The following PRSS27 variants were observed in gnomAD, a reference collection of about 807,000 sequenced individuals.
PRSS27 encodes channel-activating protease 2.
Under a neutral mutation model 32.0 loss-of-function variants are expected in PRSS27, and 25 were observed. That is an observed-to-expected ratio of 0.78 (90% CI 0.57 to 1.09). The LOEUF is 1.09. Among genes scored for constraint, PRSS27 ranks in the 50% least tolerant of loss-of-function variants. The pLI, the probability that PRSS27 is intolerant of heterozygous loss-of-function variation, is 0.00. For missense variants in PRSS27, 401 were observed against 394.9 expected, an observed-to-expected ratio of 1.02 and a Z score of -0.13; for synonymous variants, 178 against 172.2, an observed-to-expected ratio of 1.03 and a Z score of -0.26.
rs975259162 is a variant in PRSS27 at position 2,715,726 on chromosome 16, G to C, written c.228C>G (p.Cys76Trp). 6.5e-7 allele frequency: 1 copy of C among 1,543,872 alleles called. No homozygotes were observed. Among genetic ancestry groups the C allele is most frequent in the Admixed American group, 1.9e-5 (1 of 51,670 alleles). The change falls in exon 3 of 6, where the codon TGC (cysteine) becomes TGG (tryptophan). Residue 76 changes from cysteine (C) to tryptophan (W), a missense_variant. Physicochemically the swap from Cys to Trp is radical, Grantham distance 215. Transcript: ENST00000302641. Reference protein sequence around the residue: ...AEQWVLTAAHCFRNTSETSLY... With the variant: ...AEQWVLTAAHWFRNTSETSLY... ...GGGGCGGGCGGACTCACTTGCGGAA[G>C]CAGTGCGCAGCCGTCAGGACCCACT...
chr16:2,713,242 G>A (rs1315201539), intron 5 of PRSS27: 2 of 465,214 alleles, frequency 4.3e-6, no homozygotes, highest in Non-Finnish European at 8.0e-6. Flanking sequence ...GGGACTACAG[G>A]CGCCCACCAC....
rs2067671179 is a variant in PRSS27, at chr16:2,712,788, G to A, written c.705C>T (p.Cys235=). The change falls in exon 6 of 6, where the codon TGC becomes TGT. Residue 235 remains cysteine (C), a synonymous_variant. Coordinates refer to ENST00000302641, the MANE Select transcript of PRSS27 (RefSeq NM_031948.5). This position sits in a 1 kb window ranked among gnomAD's most constrained non-coding sequence, Gnocchi z 4.6. Reference sequence around the variant, plus strand: ...CCTGCAGCCACGACTGACCCACGAGGCACACCAGGGGGCCGCCCGAGTCGC... The same window carrying A: ...CCTGCAGCCACGACTGACCCACGAGACACACCAGGGGGCCGCCCGAGTCGC... ...CKGDSGGPLV[C]LVGQSWLQAG... is the part of the protein sequence containing the mutation. The A allele has an allele frequency of 2.5e-6, 4 of 1,582,168 alleles. No homozygotes were observed. Among genetic ancestry groups the A allele is most frequent in the Non-Finnish European group, 2.6e-6 (3 of 1,161,774 alleles).
Position 2,714,523 on chromosome 16 carries a change from C to T in PRSS27, c.237-187G>A, listed in dbSNP as rs2067689142. 5 of 659,454 alleles carry T rather than the reference C, an allele frequency of 7.6e-6. No individual in the cohort carries two copies. The highest frequency in any genetic ancestry group is 2.7e-5 in the East Asian group (1 of 36,500). 40.9% of individuals were successfully genotyped at this position (659,454 alleles called of 1,614,324 possible). On this transcript the variant is annotated intron_variant, in intron 3 of 5. Transcript: ENST00000302641. The surrounding 1 kb of genome is among the most constrained non-coding windows in gnomAD (Gnocchi z 4.7). ...TTGACATTGAAGCCAGACCGCCCGA[C>T]TCAGATTTCCACCTCCACCCCTGGC...
At chr16:2,713,736 T>C in intron 4 of PRSS27, 38 bp from the exon 5 acceptor site, 1 of 1,606,060 alleles carries the variant, frequency 6.2e-7, no homozygotes, top group Middle Eastern at 1.7e-4. Context: ...TCAACGGACT[T>C]CCTCATCAAG....
Position 2,714,030 on chromosome 16 carries a change from A to C in PRSS27, c.508+35T>G, listed in dbSNP as rs1567199548. 2 of 1,569,830 alleles carry C rather than the reference A, an allele frequency of 1.3e-6. No homozygotes were observed. The highest frequency in any genetic ancestry group is 1.7e-6 in the Non-Finnish European group (2 of 1,156,504). On this transcript the variant is annotated intron_variant, in intron 4 of 5. Coordinates refer to ENST00000302641, the MANE Select transcript of PRSS27 (RefSeq NM_031948.5). This position sits in a 1 kb window ranked among gnomAD's most constrained non-coding sequence, Gnocchi z 4.7. ...AAGCCGTCCTGGGCCTTCTTGAGGC[A>C]TATCCCCCATTCTTTCCCAGCCCTG...
chr16:2,713,972 C>T, intron 4 of PRSS27, 93 bp downstream of exon 4: 1 of 1,345,392 alleles, frequency 7.4e-7, no homozygotes, highest in Non-Finnish European at 1.0e-6. Flanking sequence ...ATTAATATAG[C>T]AACAGGAAGA....
In PRSS27 at chr16:2,714,674, A is replaced by G; in HGVS notation, c.237-338T>C. The stretch of plus-strand genomic sequence containing the variant: ...TCGGAGAGAACCACCCTCCAGGTGC[A>G]GCAGGGCCAGCCCCACCTGCGGGCC... On this transcript the variant is annotated intron_variant, in intron 3 of 5. Coordinates refer to ENST00000302641, the MANE Select transcript of PRSS27 (RefSeq NM_031948.5). This position sits in a 1 kb window ranked among gnomAD's most constrained non-coding sequence, Gnocchi z 4.7. The G allele has an allele frequency of 3.0e-6, 1 of 331,864 alleles. No individual in the cohort carries two copies. The highest frequency in any genetic ancestry group is 3.0e-5 in the South Asian group (1 of 33,346). 20.6% of individuals were successfully genotyped at this position (331,864 alleles called of 1,614,324 possible).
Position 2,714,214 on chromosome 16 carries a change from G to A in PRSS27, c.359C>T (p.Ala120Val). The change falls in exon 4 of 6, where the codon GCC becomes GTC. Residue 120 changes from alanine (A) to valine (V), a missense_variant. Coordinates refer to ENST00000302641, the MANE Select transcript of PRSS27 (RefSeq NM_031948.5). The surrounding 1 kb of genome is among the most constrained non-coding windows in gnomAD (Gnocchi z 4.7). Reference protein sequence around the residue: ...VESNPLYQGTASSADVALVEL... With the variant: ...VESNPLYQGTVSSADVALVEL... ...CACCAGGGCCACGTCAGCGCTGGAG[G>A]CCGTGCCCTGGTACAGGGGGTTGCT... 6.2e-7 allele frequency: 1 copy of A among 1,613,924 alleles called. No individual in the cohort carries two copies. The highest frequency in any genetic ancestry group is 8.5e-7 in the Non-Finnish European group (1 of 1,179,980).
At chr16:2,716,477 AC>A in intron 2 of PRSS27, 22 bp downstream of exon 2, 2 of 1,599,090 alleles carry the variant, frequency 1.3e-6, no homozygotes, top group South Asian at 1.1e-5. Context: ...TGTCCCTCCC[AC>A]CCCAGGGCCC....
intron 1 of PRSS27, chr16:2,716,870 T>C (rs181082736): frequency 5.7e-6 from 2 of 350,208 alleles, no homozygotes; most frequent in East Asian, 9.6e-5. Flanking sequence ...ACACCCATCC[T>C]TGTCTGGAAG....
rs1458522421 is a variant in PRSS27 at position 2,713,631 on chromosome 16, G to A, written c.576C>T (p.Asn192=). Residue 192 remains asparagine (N), a synonymous_variant, in exon 5 of 6, where the codon AAC becomes AAT. Coordinates refer to ENST00000302641, the MANE Select transcript of PRSS27 (RefSeq NM_031948.5). ...AVPIIDTPKC[N]LLYSKDTEFG... is the part of the protein sequence containing the mutation. Reference sequence around the variant, plus strand: ...ACTCGGTGTCTTTGCTGTAGAGCAGGTTGCACTTGGGTGTGTCGATGATGG... The same window carrying A: ...ACTCGGTGTCTTTGCTGTAGAGCAGATTGCACTTGGGTGTGTCGATGATGG... The A allele has an allele frequency of 6.2e-7, 1 of 1,614,216 alleles. No individual in the cohort carries two copies. Among genetic ancestry groups the A allele is most frequent in the African/African-American group, 1.3e-5 (1 of 75,064 alleles).
chr16:2,718,804 G>A (rs966621830), intron 1 of PRSS27, among the ~76,000 whole-genome samples: 2 of 152,286 alleles, frequency 1.3e-5, no homozygotes, highest in Middle Eastern at 3.4e-3. Flanking sequence ...CAGGAGCTCC[G>A]AGAAGGCAAG....
chr16:2,713,754 G>A (rs2067681516), intron 4 of PRSS27, 56 bp from the exon 5 acceptor site: 34 of 1,577,644 alleles, frequency 2.2e-5, no homozygotes, highest in South Asian at 1.1e-4. Context: ...AAGAACCCAC[G>A]GCCCCGGGAA....
At chr16:2,719,084 G>A (rs1297230391) in intron 1 of PRSS27, among the ~76,000 whole-genome samples, 1 of 152,232 alleles carries the variant, frequency 6.6e-6, no homozygotes, top group African/African-American at 2.4e-5. Flanking sequence ...CGGGCTGGGA[G>A]TGAGGACGTG....
Position 2,712,634 on chromosome 16 carries a change from C to T in PRSS27, c.859G>A (p.Gly287Ser), listed in dbSNP as rs1183262518. ...PKLQFQPARL[G>S]GQK The stretch of plus-strand genomic sequence containing the variant: ...CCCCGGGGGTCTCACTTCTGGCCGC[C>T]CAACCTCGCTGGCTGGAACTGCAGT... The change falls in exon 6 of 6, where the codon GGC (glycine) becomes AGC (serine). Residue 287 changes from glycine to serine, a missense_variant. Coordinates refer to ENST00000302641, the MANE Select transcript of PRSS27 (RefSeq NM_031948.5). This position sits in a 1 kb window ranked among gnomAD's most constrained non-coding sequence, Gnocchi z 4.6. The T allele has an allele frequency of 1.9e-6, 3 of 1,586,778 alleles. No homozygotes were observed. Among genetic ancestry groups the T allele is most frequent in the South Asian group, 1.2e-5 (1 of 86,912 alleles).
rs766274360 is a variant in PRSS27, at chr16:2,713,697, G to T, written c.510C>A (p.Asp170Glu). Reference protein sequence around the residue: ...VTGWGSPSEEDLLPEPRILQK... With the variant: ...VTGWGSPSEEELLPEPRILQK... ...GCAGGATCCGCGGTTCGGGCAGGAG[G>T]TCTGGAGAGGGGCGGAACAGCCCAG... Residue 170 changes from aspartate to glutamate, a missense_variant and splice_region_variant, in exon 5 of 6, where the codon GAC becomes GAA. By Grantham distance (45) the Asp-to-Glu change is conservative (BLOSUM62 2). Transcript: ENST00000302641. 4.3e-6 allele frequency: 7 copies of T among 1,614,158 alleles called. No individual in the cohort carries two copies. Among genetic ancestry groups the T allele is most frequent in the Non-Finnish European group, 5.9e-6 (7 of 1,180,008 alleles).
chr16:2,720,049 C>A, intron 1 of PRSS27, 66 bp downstream of exon 1: 1 of 1,414,180 alleles, frequency 7.1e-7, no homozygotes, highest in Non-Finnish European at 9.8e-7. Flanking sequence ...GAGCCGGAGC[C>A]CCAGGCAGTG....
Position 2,712,479 on chromosome 16 carries a change from A to G in PRSS27, c.*141T>C. On this transcript the variant is annotated 3_prime_UTR_variant, in exon 6 of 6. Transcript: ENST00000302641. The surrounding 1 kb of genome is among the most constrained non-coding windows in gnomAD (Gnocchi z 4.6). ...CATAAATAAAATAAGGGTATTTGAGAGGGGAGGAAGGAGCGCTATTTACAA... is the reference window on the plus strand; with the variant it reads ...CATAAATAAAATAAGGGTATTTGAGGGGGGAGGAAGGAGCGCTATTTACAA... The G allele has an allele frequency of 1.5e-6, 1 of 662,648 alleles. No homozygotes were observed. The allele number at this position is 662,648 out of a possible 1,614,324, so 41.0% of individuals were successfully genotyped here.
At chr16:2,719,963 C>G in intron 1 of PRSS27, 152 bp downstream of exon 1, 1 of 727,266 alleles carries the variant, frequency 1.4e-6, no homozygotes, top group Non-Finnish European at 2.2e-6. Context: ...ACATCTGGAG[C>G]CTTCCCACCT....
Sources: gnomAD v4.1 joint callset for allele counts (sites outside exome capture counted in the v4.1 genomes callset) on GRCh38, gnomAD v4.1.1 for gene constraint, Gnocchi (gnomAD v3.1) non-coding constraint, MANE v1.5 for transcripts, NCBI Gene and HGNC (gene_info 2026-07-23, HGNC 2026-07-21) for gene names.